KANSL1: variants seen among roughly 807,000 people sequenced by gnomAD.
KANSL1 encodes the protein MLL1/MLL complex subunit KANSL1.
Under a neutral mutation model 103.6 loss-of-function variants are expected in KANSL1, and 22 were observed. The ratio of observed to expected loss-of-function variants is 0.21; its 90% CI spans 0.15 to 0.30. The LOEUF (loss-of-function observed/expected upper bound fraction) is 0.30. Ranked by LOEUF, KANSL1 falls within the 10% of genes least tolerant of loss-of-function variation. The probability of loss-of-function intolerance (pLI) is 1.00; values close to 1 mark genes in which losing one functional copy is unlikely to be tolerated. For synonymous variants in KANSL1, 600 were observed against 527.6 expected, an observed-to-expected ratio of 1.14 and a Z score of -1.88; for missense variants, 1,337 against 1,399.8, an observed-to-expected ratio of 0.96 and a Z score of 0.72.
chr17:46,133,039 T>C (rs2043945509), intron 2 of KANSL1, among the ~76,000 whole-genome samples: 1 of 152,216 alleles, frequency 6.6e-6, no homozygotes, highest in South Asian at 2.1e-4. Flanking sequence ...GTCCATTATA[T>C]GCCAAGTACC....
At chr17:46,162,297 G>T (rs1394020550) in intron 2 of KANSL1, among the ~76,000 whole-genome samples, 1 of 152,298 alleles carries the variant, frequency 6.6e-6, no homozygotes, top group East Asian at 1.9e-4. Flanking sequence ...GTTTAGGGAG[G>T]TGGGGAAATG....
chr17:46,219,426 A>G (rs1416968331), intron 1 of KANSL1, among the ~76,000 whole-genome samples: 2 of 152,136 alleles, frequency 1.3e-5, no homozygotes, highest in Non-Finnish European at 2.9e-5. Context: ...GCAGGGGCGC[A>G]ATCACAGTTC....
intron 1 of KANSL1, among the ~76,000 whole-genome samples, chr17:46,185,347 AC>A (rs962817710): frequency 6.6e-6 from 1 of 152,190 alleles, no homozygotes; most frequent in African/African-American, 2.4e-5. Flanking sequence ...GATAGGCTTC[AC>A]CCACTACAAG....
intron 6 of KANSL1, among the ~76,000 whole-genome samples, chr17:46,064,780 C>T (rs2078313483): frequency 6.6e-6 from 1 of 152,132 alleles, no homozygotes; most frequent in Admixed American, 6.6e-5. Context: ...TGGAATACAT[C>T]AAAGGGCTAA....
intron 3 of KANSL1, among the ~76,000 whole-genome samples, chr17:46,090,083 G>C (rs1476884383): frequency 6.6e-6 from 1 of 151,418 alleles, no homozygotes; most frequent in African/African-American, 2.4e-5. Flanking sequence ...AATTCAATAT[G>C]ACTGGTGTCC....
At chr17:46,063,861 AC>A (rs1439931376) in intron 6 of KANSL1, among the ~76,000 whole-genome samples, 1 of 150,820 alleles carries the variant, frequency 6.6e-6, no homozygotes, top group Non-Finnish European at 1.5e-5. Context: ...AACTGCCAAA[AC>A]AGAGGAAGGG....
intron 1 of KANSL1, among the ~76,000 whole-genome samples, chr17:46,192,033 G>C (rs2047356652): frequency 6.6e-6 from 1 of 152,172 alleles, no homozygotes; most frequent in South Asian, 2.1e-4. Context: ...AAAGGAAAGA[G>C]AGCAATTTAA....
rs757691368 is a variant in KANSL1, at chr17:46,050,651, T to C, written c.1902A>G (p.Ala634=). ...TGTTGATGCTGCCTGAACCACACAG[T>C]GCGCAGGAGGGATTCACATCACAGC... The part of the protein sequence containing the change: ...RPGCDVNPSC[A]LCGSGSINTM... Residue 634 remains alanine (A), a synonymous_variant, in exon 7 of 15, where the codon GCA becomes GCG. Transcript: ENST00000432791. The C allele has an allele frequency of 1.8e-5, 29 of 1,614,012 alleles. No homozygotes were observed. Among genetic ancestry groups the C allele is most frequent in the Non-Finnish European group, 2.3e-5 (27 of 1,180,024 alleles).
intron 2 of KANSL1, among the ~76,000 whole-genome samples, chr17:46,139,691 T>C (rs918398636): frequency 7.9e-5 from 12 of 152,224 alleles, no homozygotes; most frequent in African/African-American, 2.9e-4. Context: ...TGAAGGATTA[T>C]TACGTACATA....
chr17:46,135,493 A>C (rs1486474225), intron 2 of KANSL1, among the ~76,000 whole-genome samples: 4 of 152,086 alleles, frequency 2.6e-5, no homozygotes, highest in African/African-American at 9.7e-5. Flanking sequence ...AAAAGATTCA[A>C]TTATACCAAG....
chr17:46,172,056 A>T lies in KANSL1; in HGVS notation c.88T>A (p.Ser30Thr). Residue 30 changes from serine to threonine, a missense_variant, in exon 2 of 15, where the codon TCC (serine) becomes ACC (threonine). Physicochemically the swap from Ser to Thr is moderately conservative, Grantham distance 58 (BLOSUM62 1). Transcript: ENST00000432791. ...CCGTTATTTTCGGCACTGCCAGGGGACAAGGTAGAGGATGGGGGAGCCAGT... is the reference window on the plus strand; with the variant it reads ...CCGTTATTTTCGGCACTGCCAGGGGTCAAGGTAGAGGATGGGGGAGCCAGT... ...FKLAPPSSTLSPGSAENNGNA... is the reference protein window; with the variant it reads ...FKLAPPSSTLTPGSAENNGNA... 6.2e-7 allele frequency: 1 copy of T among 1,614,148 alleles called. No homozygotes were observed. Among genetic ancestry groups the T allele is most frequent in the South Asian group, 1.1e-5 (1 of 91,086 alleles).
intron 3 of KANSL1, chr17:46,094,237 C>T (rs1277046539): frequency 1.8e-5 from 5 of 279,904 alleles, no homozygotes. Flanking sequence ...GCTGGGACTA[C>T]AGGCACATGC....
At position 46,213,288 on chromosome 17, in the gene KANSL1, TTTGTTGTTG is replaced by T. The variant is rs138336096; in HGVS notation, c.-90+10374_-90+10382del. Among the ~76,000 whole-genome samples the T allele has an allele frequency of 4.2e-3, 637 of 151,192 alleles. 4 individuals are homozygous for T. Among genetic ancestry groups the T allele is most frequent in the Non-Finnish European group, 6.2e-3 (421 of 67,528 alleles). The stretch of plus-strand genomic sequence containing the variant: ...AGGGGGACAAGCGTTTTATTTGTTT[TTTGTTGTTG>T]TTGTTGTTGTTGTTGTTTTTTGAGA... On this transcript the variant is annotated intron_variant, in intron 1 of 14. Transcript: ENST00000572904.
chr17:46,179,612 A>G (rs1010078679), intron 1 of KANSL1, among the ~76,000 whole-genome samples: 2 of 152,246 alleles, frequency 1.3e-5, no homozygotes, highest in African/African-American at 4.8e-5. Context: ...GGAAGTGTCC[A>G]TGAAGTTGCC....
At chr17:46,068,027 G>A (rs2078445644) in intron 4 of KANSL1, among the ~76,000 whole-genome samples, 1 of 152,046 alleles carries the variant, frequency 6.6e-6, no homozygotes. Context: ...GAGGGATGAG[G>A]AATCCAAATG....
At chr17:46,145,625 A>C (rs1389322322) in intron 2 of KANSL1, among the ~76,000 whole-genome samples, 1 of 152,262 alleles carries the variant, frequency 6.6e-6, no homozygotes, top group East Asian at 1.9e-4. Flanking sequence ...AAGGATTGTC[A>C]AGCTAGGTCA....
intron 2 of KANSL1, among the ~76,000 whole-genome samples, chr17:46,108,616 G>A (rs1163353658): frequency 6.6e-6 from 1 of 152,188 alleles, no homozygotes; most frequent in African/African-American, 2.4e-5. Context: ...TTGGAACAAT[G>A]CCTAGCAAAT....
At position 46,052,215 on chromosome 17, in the gene KANSL1, T is replaced by G. The variant is rs150635807; in HGVS notation, c.1849-1511A>C. ...TGAAACTTTCAATATTCAAAAGAGA[T>G]TATCTCACTCCAGTAGGTATAGCAA... On this transcript the variant is annotated intron_variant, in intron 6 of 14. Transcript: ENST00000432791. Among the ~76,000 whole-genome samples, 7 of 152,210 alleles carry G rather than the reference T, an allele frequency of 4.6e-5. No individual in the cohort carries two copies. In the East Asian group the frequency reaches 1.2e-3, roughly 25 times the overall value.
At position 46,093,536 on chromosome 17, in the gene KANSL1, G is replaced by C. The variant is rs550641565; in HGVS notation, c.1431+1024C>G. The C allele has an allele frequency of 2.6e-5, 4 of 152,704 alleles. No homozygotes were observed. The East Asian group carries it at 5.8e-4, about 22-fold the overall frequency. The allele number at this position is 152,704 out of a possible 1,614,324, so 9.5% of individuals were successfully genotyped here. A position where few individuals can be genotyped will look rare whatever the true frequency, so the allele number is the denominator to read the frequency against. The stretch of plus-strand genomic sequence containing the variant: ...TCTGGAAAGAAGCTATAAGTCCGCA[G>C]TGACATTTTTAGAATAAAAGTTTAA... On this transcript the variant is annotated intron_variant, in intron 3 of 14. Transcript: ENST00000432791.
Sources: gnomAD v4.1 joint callset for allele counts (sites outside exome capture counted in the v4.1 genomes callset) on GRCh38, gnomAD v4.1.1 for gene constraint, MANE v1.5 for transcripts, NCBI Gene and HGNC (gene_info 2026-07-23, HGNC 2026-07-21) for gene names.